Variants in ZMYND8 observed in about 807,000 individuals in gnomAD.
ZMYND8 encodes MYND-type zinc finger-containing chromatin reader ZMYND8.
Under a neutral mutation model 140.8 loss-of-function variants are expected in ZMYND8, and 37 were observed. The ratio of observed to expected loss-of-function variants is 0.26; its 90% CI spans 0.20 to 0.35. The LOEUF (loss-of-function observed/expected upper bound fraction) is 0.35. Ranked by LOEUF, ZMYND8 falls within the 10% of genes least tolerant of loss-of-function variation. The pLI, the probability that ZMYND8 is intolerant of heterozygous loss-of-function variation, is 1.00. For missense variants in ZMYND8, 1,068 were observed against 1,570.0 expected (o/e 0.68, Z 5.40); for synonymous variants, 592 against 597.1 (o/e 0.99, Z 0.12).
intron 1 of ZMYND8, chr20:47,355,636 G>T (rs896940521): frequency 1.5e-5 from 5 of 327,136 alleles, no homozygotes; most frequent in African/African-American, 4.5e-5. Flanking sequence ...CCACAGACAT[G>T]ATTTTATTTC....
At chr20:47,352,855 T>C (rs928666401) in intron 1 of ZMYND8, 1 of 152,150 alleles carries the variant, frequency 6.6e-6, no homozygotes, top group Admixed American at 6.5e-5. Flanking sequence ...GCGGGGAGGG[T>C]GACCATAACC....
At chr20:47,317,734 T>C (rs2079525996) in intron 2 of ZMYND8, among the ~76,000 whole-genome samples, 1 of 152,106 alleles carries the variant, frequency 6.6e-6, no homozygotes, top group African/African-American at 2.4e-5. Flanking sequence ...ATGGGCCAGG[T>C]TGCAAACGAC....
chr20:47,244,172 G>A (rs1291607977), intron 14 of ZMYND8, among the ~76,000 whole-genome samples: 1 of 152,178 alleles, frequency 6.6e-6, no homozygotes, highest in East Asian at 1.9e-4. Flanking sequence ...ACCAGACAAT[G>A]GAAACCCCAA....
chr20:47,270,785 A>C (rs117085454), intron 11 of ZMYND8, among the ~76,000 whole-genome samples: 3,525 of 151,956 alleles, frequency 0.023, 248 homozygotes, highest in East Asian at 0.14. Flanking sequence ...TCTCTTGAAA[A>C]AACAGAAATC....
At chr20:47,314,385 A>G (rs546360394) in intron 2 of ZMYND8, among the ~76,000 whole-genome samples, 18 of 152,030 alleles carry the variant, frequency 1.2e-4, no homozygotes, top group Non-Finnish European at 2.2e-4. Flanking sequence ...AGTAGTCCCA[A>G]CTACTAGGGA....
chr20:47,232,408 A>C (rs1333314908), intron 16 of ZMYND8, among the ~76,000 whole-genome samples: 1 of 145,008 alleles, frequency 6.9e-6, no homozygotes, highest in Non-Finnish European at 1.5e-5. Flanking sequence ...AAGTTTTGCC[A>C]AAAGTGTCAA....
At chr20:47,233,762 C>T (rs1035880024) in intron 16 of ZMYND8, among the ~76,000 whole-genome samples, 10 of 152,214 alleles carry the variant, frequency 6.6e-5, no homozygotes, top group African/African-American at 2.2e-4. Context: ...ACAGTACCTA[C>T]ACTTCATCAA....
chr20:47,317,703 T>C (rs965746611), intron 2 of ZMYND8, among the ~76,000 whole-genome samples: 5 of 152,050 alleles, frequency 3.3e-5, no homozygotes, highest in Non-Finnish European at 5.9e-5. Flanking sequence ...CCAGGACACA[T>C]AGGTCAAGGC....
rs1256666818 is a variant in ZMYND8, at chr20:47,255,716, A to ATGTG, written c.1622-6281_1622-6278dup. On this transcript the variant is annotated intron_variant, in intron 12 of 22. Coordinates refer to ENST00000471951, the MANE Select transcript of ZMYND8 (RefSeq NM_001281775.3). The stretch of plus-strand genomic sequence containing the variant: ...ATATATATATATATATATACCGTGT[A>ATGTG]TGTGTGTATATATATATATATATAT... Among the ~76,000 whole-genome samples the ATGTG allele has an allele frequency of 3.8e-3, 110 of 28,690 alleles. 1 individual carries two copies. The highest frequency in any genetic ancestry group is 0.026 in the Admixed American group (57 of 2,168). The allele number at this position is 28,690 out of a possible 152,430, so 18.8% of individuals were successfully genotyped here. A position where few individuals can be genotyped will look rare whatever the true frequency, so the allele number is the denominator to read the frequency against.
At chr20:47,291,757 T>G (rs752471955) in intron 6 of ZMYND8, 39 bp downstream of exon 6, 1 of 1,559,804 alleles carries the variant, frequency 6.4e-7, no homozygotes, top group Middle Eastern at 1.7e-4. Flanking sequence ...GCATCTCAAC[T>G]GTGGGCTAGA....
At chr20:47,333,988 G>A (rs145942931) in intron 2 of ZMYND8, among the ~76,000 whole-genome samples, 11 of 152,162 alleles carry the variant, frequency 7.2e-5, no homozygotes, top group African/African-American at 2.4e-4. Context: ...AATAAGCATC[G>A]AATATACATA....
intron 12 of ZMYND8, among the ~76,000 whole-genome samples, chr20:47,252,291 CAAAAAAAAAAAAA>C (rs144291181): frequency 1.5e-5 from 1 of 68,944 alleles, no homozygotes; most frequent in African/African-American, 6.2e-5. Context: ...GACTCTGTCT[CAAAAAAAAAAAAA>C]AAAAAAAAAA....
chr20:47,313,223 GA>G lies in ZMYND8; in HGVS notation c.86-3020del, dbSNP rs56704156. Among the ~76,000 whole-genome samples, 273 of 125,986 alleles carry G rather than the reference GA, an allele frequency of 2.2e-3. 2 individuals are homozygous for G. The highest frequency in any genetic ancestry group is 7.0e-3 in the South Asian group (28 of 3,996). The allele number at this position is 125,986 out of a possible 152,430, so 82.7% of individuals were successfully genotyped here. ...GGTGAAAAGGAGAGACACTGTCTCT[GA>G]AAAAAAAAAAAAAAAATTTAATTAT... On this transcript the variant is annotated intron_variant, in intron 2 of 22. Transcript: ENST00000471951.
chr20:47,217,657 C>T (rs1242800837), intron 21 of ZMYND8, among the ~76,000 whole-genome samples: 1 of 150,130 alleles, frequency 6.7e-6, no homozygotes, highest in Non-Finnish European at 1.5e-5. Context: ...CATTGAGTTA[C>T]CTGGGCATCT....
chr20:47,312,995 T>C (rs936622055), intron 2 of ZMYND8, among the ~76,000 whole-genome samples: 2 of 152,152 alleles, frequency 1.3e-5, no homozygotes, highest in Admixed American at 1.3e-4. Context: ...GCAAGATGAC[T>C]GCACTGCAGC....
At chr20:47,221,748 C>T (rs2036987163) in intron 19 of ZMYND8, among the ~76,000 whole-genome samples, 2 of 152,212 alleles carry the variant, frequency 1.3e-5, no homozygotes, top group South Asian at 4.1e-4. Flanking sequence ...CTCACTGCAA[C>T]CTCTGTCTCC....
chr20:47,210,205 A>C lies in ZMYND8; in HGVS notation c.*556T>G, dbSNP rs2146718252. ...AAAGGAGCCAACGGCTTGATGGGAT[A>C]GTCTGTGCCGAAACTCCCGATCCCA... On this transcript the variant is annotated 3_prime_UTR_variant, in exon 23 of 23. Transcript: ENST00000471951. The C allele has an allele frequency of 6.5e-6, 1 of 153,370 alleles. No individual in the cohort carries two copies. Among genetic ancestry groups the C allele is most frequent in the East Asian group, 1.9e-4 (1 of 5,250 alleles). The allele number at this position is 153,370 out of a possible 1,614,324, so 9.5% of individuals were successfully genotyped here.
chr20:47,249,260 A>T lies in ZMYND8; in HGVS notation c.1774+27T>A. 3 of 1,517,530 alleles carry T rather than the reference A, an allele frequency of 2.0e-6. No individual in the cohort carries two copies. The South Asian group carries it at 3.7e-5, about 19-fold the overall frequency. 94.0% of individuals were successfully genotyped at this position (1,517,530 alleles called of 1,614,324 possible). On this transcript the variant is annotated intron_variant, in intron 13 of 22. Transcript: ENST00000471951. ...GTAATGATAACAATGATACTGCTGG[A>T]AAAAAAAAACAAAACCAAAGGTATA... is the stretch of plus-strand genomic sequence containing the variant.
At chr20:47,243,539 G>A (rs992811335) in intron 14 of ZMYND8, among the ~76,000 whole-genome samples, 1 of 152,196 alleles carries the variant, frequency 6.6e-6, no homozygotes, top group Non-Finnish European at 1.5e-5. Flanking sequence ...CTAAGGTACT[G>A]TGTTTCCCAT....
Sources: gnomAD v4.1 joint callset for allele counts (sites outside exome capture counted in the v4.1 genomes callset) on GRCh38, gnomAD v4.1.1 for gene constraint, MANE v1.5 for transcripts, NCBI Gene and HGNC (gene_info 2026-07-23, HGNC 2026-07-21) for gene names.